Variants in KCNT1 observed in about 807,000 individuals in gnomAD.
KCNT1 encodes potassium sodium-activated channel subfamily T member 1, also known as potassium channel subfamily T member 1.
Under a neutral mutation model 147.8 loss-of-function variants are expected in KCNT1, and 78 were observed. The observed-to-expected ratio is 0.53, with a 90% CI of 0.44 to 0.64. The LOEUF (loss-of-function observed/expected upper bound fraction) is 0.64. Among genes scored for constraint, KCNT1 ranks in the 30% least tolerant of loss-of-function variants. The pLI is 0.00. For synonymous variants in KCNT1, 867 were observed against 748.8 expected (o/e 1.16, Z -2.58); for missense variants, 1,419 against 1,750.3 (o/e 0.81, Z 3.38).
chr9:135,745,608 A>G (rs1053911593), intron 2 of KCNT1, among the ~76,000 whole-genome samples: 6 of 152,200 alleles, frequency 3.9e-5, no homozygotes, highest in Non-Finnish European at 5.9e-5. Context: ...GTCCCAAGAG[A>G]AGCCTGGGAC....
Position 135,765,607 on chromosome 9 carries a change from C to T in KCNT1, c.1201-17C>T. The T allele has an allele frequency of 1.2e-6, 2 of 1,601,740 alleles. No individual in the cohort carries two copies. Among genetic ancestry groups the T allele is most frequent in the South Asian group, 1.1e-5 (1 of 90,072 alleles). ...AGGGGCTGGCTCAGAGGGTCTGACC[C>T]TCCGCCTGGCCGGCAGGACTATTAC... On this transcript the variant is annotated splice_polypyrimidine_tract_variant and intron_variant, in intron 12 of 30. Transcript: ENST00000371757.
chr9:135,791,880 G>A lies in KCNT1; in HGVS notation c.3586G>A (p.Val1196Ile), dbSNP rs1171803758. Residue 1196 changes from valine (V) to isoleucine (I), a missense_variant and splice_region_variant, in exon 30 of 31, where the codon GTC becomes ATC. By Grantham distance (29) the Val-to-Ile change is conservative. Coordinates refer to ENST00000371757, the MANE Select transcript of KCNT1 (RefSeq NM_020822.3). Reference sequence around the variant, plus strand: ...CACGAGGCTGGAGCCCAGTGACATTGTGTGAGTAGCACCTGTGGGCTGTGT... The same window carrying A: ...CACGAGGCTGGAGCCCAGTGACATTATGTGAGTAGCACCTGTGGGCTGTGT... Reference protein sequence around the residue: ...PDTRLEPSDIVYLIRSDPLAH... With the variant: ...PDTRLEPSDIIYLIRSDPLAH... 2 of 1,613,682 alleles carry A rather than the reference G, an allele frequency of 1.2e-6. No homozygotes were observed. The highest frequency in any genetic ancestry group is 1.7e-6 in the Non-Finnish European group (2 of 1,179,918).
At chr9:135,782,516 T>C (rs555712840) in intron 24 of KCNT1, among the ~76,000 whole-genome samples, 1 of 152,358 alleles carries the variant, frequency 6.6e-6, no homozygotes, top group Admixed American at 6.5e-5. Context: ...ACCGGGGGTC[T>C]CGTGCTCAGG....
chr9:135,780,551 C>T (rs888337731), intron 24 of KCNT1, among the ~76,000 whole-genome samples: 8 of 152,320 alleles, frequency 5.3e-5, no homozygotes, highest in African/African-American at 1.2e-4. Context: ...GAGAGGAGGC[C>T]GGGCTGGGCA....
chr9:135,724,288 TGGG>T (rs1836040976), intron 2 of KCNT1, among the ~76,000 whole-genome samples: 1 of 152,072 alleles, frequency 6.6e-6, no homozygotes, highest in South Asian at 2.1e-4. Context: ...TCTGCACAGG[TGGG>T]GGCAGCCGTG....
intron 29 of KCNT1, chr9:135,789,358 C>G (rs1405903616): frequency 6.6e-6 from 1 of 152,250 alleles, no homozygotes; most frequent in Non-Finnish European, 1.5e-5. Context: ...TAGATTCAAG[C>G]GGAGCCTAGG....
chr9:135,722,086 G>C (rs2131342852), intron 2 of KCNT1, among the ~76,000 whole-genome samples: 1 of 152,322 alleles, frequency 6.6e-6, no homozygotes, highest in East Asian at 1.9e-4. Context: ...CATGTGAACG[G>C]TGTCTTGTGG....
chr9:135,718,720 G>C (rs889265389), intron 2 of KCNT1, among the ~76,000 whole-genome samples: 6 of 152,206 alleles, frequency 3.9e-5, no homozygotes, highest in Non-Finnish European at 5.9e-5. Context: ...GAGGGAAGCG[G>C]GTGCTGCTGC....
At chr9:135,790,976 C>T (rs1329548018) in intron 29 of KCNT1, 4 of 152,376 alleles carry the variant, frequency 2.6e-5, no homozygotes, top group Admixed American at 2.6e-4. Context: ...GGGGCTGTCT[C>T]TCCAGGACCG....
intron 20 of KCNT1, among the ~76,000 whole-genome samples, chr9:135,776,589 G>A (rs371737345): frequency 7.2e-5 from 11 of 152,266 alleles, no homozygotes; most frequent in African/African-American, 2.4e-4. Flanking sequence ...TTCCAGTTCC[G>A]GAATCTCTCT....
At chr9:135,750,298 A>G in intron 3 of KCNT1, 121 bp downstream of exon 3, 1 of 709,576 alleles carries the variant, frequency 1.4e-6, no homozygotes, top group South Asian at 1.5e-5. Flanking sequence ...GGTGGGAGCC[A>G]CCTGAGTGCT....
chr9:135,756,809 TG>T, intron 6 of KCNT1, 63 bp from the exon 7 acceptor site: 1 of 1,376,386 alleles, frequency 7.3e-7, no homozygotes, highest in South Asian at 1.2e-5. Context: ...GCGAGGCCTG[TG>T]GGGTCAGGCC....
intron 11 of KCNT1, among the ~76,000 whole-genome samples, chr9:135,760,729 C>T (rs1382854902): frequency 2.0e-5 from 3 of 152,240 alleles, no homozygotes; most frequent in Non-Finnish European, 2.9e-5. Context: ...GCTGTGGCAC[C>T]AGCTGTACGG....
At chr9:135,774,433 GGTGTGTCTGTGGT>G (rs1832999358) in intron 19 of KCNT1, among the ~76,000 whole-genome samples, 1 of 109,222 alleles carries the variant, frequency 9.2e-6, no homozygotes, top group Admixed American at 8.3e-5. Flanking sequence ...TGTGTTGTGT[GGTGTGTCTGTGGT>G]GTGTCTGTGT....
At chr9:135,725,053 G>T (rs557782546) in intron 2 of KCNT1, among the ~76,000 whole-genome samples, 4 of 152,256 alleles carry the variant, frequency 2.6e-5, no homozygotes, top group East Asian at 1.9e-4. Flanking sequence ...GCAACTGCGT[G>T]GGGGGGCGTG....
rs1836398974 is a variant in KCNT1, at chr9:135,730,847, A to G, written c.254+16127A>G. Among the ~76,000 whole-genome samples, 1 of 152,118 alleles carries G rather than the reference A, an allele frequency of 6.6e-6. No individual in the cohort carries two copies. Among genetic ancestry groups the G allele is most frequent in the African/African-American group, 2.4e-5 (1 of 41,506 alleles). ...CAAAAAATACAAAACTTAGCCGAGC[A>G]TGGTGGTGCATGCCTGTAGTCCCAG... On this transcript the variant is annotated intron_variant, in intron 2 of 30. Coordinates refer to ENST00000371757, the MANE Select transcript of KCNT1 (RefSeq NM_020822.3). This position sits in a 1 kb window ranked among gnomAD's most constrained non-coding sequence, Gnocchi z 4.7.
chr9:135,731,281 C>T (rs1040798704), intron 2 of KCNT1, among the ~76,000 whole-genome samples: 2 of 152,178 alleles, frequency 1.3e-5, no homozygotes, highest in East Asian at 1.9e-4. Flanking sequence ...CAGCGCGGCT[C>T]GCGTTAGAAT....
chr9:135,724,033 C>T (rs1478402555), intron 2 of KCNT1, among the ~76,000 whole-genome samples: 1 of 152,232 alleles, frequency 6.6e-6, no homozygotes, highest in African/African-American at 2.4e-5. Context: ...CCCCGGGAAG[C>T]TCCATGCCCT....
chr9:135,744,728 A>G (rs573159677), intron 2 of KCNT1, among the ~76,000 whole-genome samples: 1 of 152,354 alleles, frequency 6.6e-6, no homozygotes, highest in East Asian at 1.9e-4. Flanking sequence ...GGCCAGGGCC[A>G]GGGCCAGGGT....
Sources: gnomAD v4.1 joint callset for allele counts (sites outside exome capture counted in the v4.1 genomes callset) on GRCh38, gnomAD v4.1.1 for gene constraint, Gnocchi (gnomAD v3.1) non-coding constraint, MANE v1.5 for transcripts, NCBI Gene and HGNC (gene_info 2026-07-23, HGNC 2026-07-21) for gene names.